Variants in CNKSR3 observed in about 807,000 individuals in gnomAD.
The protein encoded by CNKSR3 is connector enhancer of kinase suppressor of ras 3.
Under a neutral mutation model 67.7 loss-of-function variants are expected in CNKSR3, and 36 were observed. The observed-to-expected ratio is 0.53, with a 90% CI of 0.41 to 0.70. The LOEUF (loss-of-function observed/expected upper bound fraction) is 0.70. CNKSR3 is among the 30% of genes least tolerant of loss of function. The probability of loss-of-function intolerance (pLI) is 0.00; values close to 1 mark genes in which losing one functional copy is unlikely to be tolerated. For synonymous variants in CNKSR3, 281 were observed against 271.4 expected, an observed-to-expected ratio of 1.04 and a Z score of -0.35; for missense variants, 630 against 695.2, an observed-to-expected ratio of 0.91 and a Z score of 1.05.
At chr6:154,509,924 GGCAGAAGTTT>G in intron 1 of CNKSR3, 129 bp downstream of exon 1, 1 of 905,130 alleles carries the variant, frequency 1.1e-6, no homozygotes, top group East Asian at 2.4e-5. Context: ...CAGGCCACTC[GGCAGAAGTTT>G]GCATTGTCAC....
chr6:154,421,170 C>T (rs1254937777), intron 9 of CNKSR3, among the ~76,000 whole-genome samples: 6 of 152,190 alleles, frequency 3.9e-5, no homozygotes, highest in African/African-American at 7.2e-5. Flanking sequence ...CAGGCCACCA[C>T]GCTCAACTAC....
chr6:154,393,861 T>C lies in CNKSR3; in HGVS notation c.*12493A>G, dbSNP rs1439814779. ...CCAAGCCTTGCAAAACATGGCAAAATAAATGTTTTGGGGAAAATGTAGTCT... is the reference window on the plus strand; with the variant it reads ...CCAAGCCTTGCAAAACATGGCAAAACAAATGTTTTGGGGAAAATGTAGTCT... On this transcript the variant is annotated 3_prime_UTR_variant, in exon 13 of 13. Coordinates refer to ENST00000607772, the MANE Select transcript of CNKSR3 (RefSeq NM_173515.4). The C allele has an allele frequency of 6.6e-6, 1 of 152,188 alleles. No homozygotes were observed. The highest frequency in any genetic ancestry group is 2.4e-5 in the African/African-American group (1 of 41,434). 9.4% of individuals were successfully genotyped at this position (152,188 alleles called of 1,614,324 possible). A position where few individuals can be genotyped will look rare whatever the true frequency, so the allele number is the denominator to read the frequency against.
intron 1 of CNKSR3, among the ~76,000 whole-genome samples, chr6:154,456,953 C>G (rs79349981): frequency 6.6e-6 from 1 of 151,976 alleles, no homozygotes; most frequent in African/African-American, 2.4e-5. Flanking sequence ...ACCAGAGGGA[C>G]GGAAACAGGA....
At chr6:154,465,982 G>A (rs1018228442) in intron 1 of CNKSR3, among the ~76,000 whole-genome samples, 1 of 152,200 alleles carries the variant, frequency 6.6e-6, no homozygotes, top group Non-Finnish European at 1.5e-5. Flanking sequence ...CAGGCTGGTA[G>A]TGACCTAAGC....
In CNKSR3 at chr6:154,397,826, G is replaced by A. The variant is rs997809322; in HGVS notation, c.*8528C>T. ...GATGGAATTAACAGGGTAGGCCCTG[G>A]AAGATGAGTAAAAGCAAATCTGCGG... On this transcript the variant is annotated 3_prime_UTR_variant, in exon 13 of 13. Transcript: ENST00000607772. 1 of 145,460 alleles carries A rather than the reference G, an allele frequency of 6.9e-6. No individual in the cohort carries two copies. Among genetic ancestry groups the A allele is most frequent in the African/African-American group, 2.6e-5 (1 of 39,194 alleles). 9.0% of individuals were successfully genotyped at this position (145,460 alleles called of 1,614,324 possible).
intron 1 of CNKSR3, among the ~76,000 whole-genome samples, chr6:154,453,419 T>C (rs1008377448): frequency 9.9e-5 from 15 of 152,160 alleles, no homozygotes; most frequent in African/African-American, 3.6e-4. Flanking sequence ...ATACAGAGCA[T>C]TTCTCTGAGA....
chr6:154,414,241 C>T, intron 10 of CNKSR3, 58 bp downstream of exon 10: 1 of 1,513,368 alleles, frequency 6.6e-7, no homozygotes, highest in Non-Finnish European at 8.8e-7. Flanking sequence ...TTCACACCAC[C>T]ATTTACAAAT....
At chr6:154,497,421 A>G (rs989065158) in intron 1 of CNKSR3, among the ~76,000 whole-genome samples, 1 of 151,744 alleles carries the variant, frequency 6.6e-6, no homozygotes, top group Non-Finnish European at 1.5e-5. Flanking sequence ...GAGAGAGAGA[A>G]ATGCTATACA....
At position 154,392,507 on chromosome 6, in the gene CNKSR3, C is replaced by T. The variant is rs1298549240; in HGVS notation, c.*13847G>A. On this transcript the variant is annotated 3_prime_UTR_variant, in exon 13 of 13. Coordinates refer to ENST00000607772, the MANE Select transcript of CNKSR3 (RefSeq NM_173515.4). Reference sequence around the variant, plus strand: ...AGAAGGAGTGCAGGTCCCCTGCTGTCAATTTCATCTGGGGCACTAAACAGA... The same window carrying T: ...AGAAGGAGTGCAGGTCCCCTGCTGTTAATTTCATCTGGGGCACTAAACAGA... The T allele has an allele frequency of 6.6e-6, 1 of 152,234 alleles. No individual in the cohort carries two copies. Among genetic ancestry groups the T allele is most frequent in the Non-Finnish European group, 1.5e-5 (1 of 68,058 alleles). The allele number at this position is 152,234 out of a possible 1,614,324, so 9.4% of individuals were successfully genotyped here.
At position 154,388,435 on chromosome 6, in the gene CNKSR3, G is replaced by A. The variant is rs1000978995; in HGVS notation, c.*17919C>T. 2 of 152,154 alleles carry A rather than the reference G, an allele frequency of 1.3e-5. No homozygotes were observed. Among genetic ancestry groups the A allele is most frequent in the Non-Finnish European group, 2.9e-5 (2 of 68,030 alleles). The allele number at this position is 152,154 out of a possible 1,614,324, so 9.4% of individuals were successfully genotyped here. ...CCGCCGATGGACGCTTAGATTGTTT[G>A]TGTATCTTGGATATTGTGAATAATG... On this transcript the variant is annotated 3_prime_UTR_variant, in exon 13 of 13. Transcript: ENST00000607772.
intron 12 of CNKSR3, among the ~76,000 whole-genome samples, chr6:154,409,075 G>A (rs1363334760): frequency 6.6e-6 from 1 of 152,142 alleles, no homozygotes; most frequent in African/African-American, 2.4e-5. Context: ...CGTTAACTAA[G>A]GGGATCCTGA....
chr6:154,449,571 C>G (rs188020183), intron 2 of CNKSR3, among the ~76,000 whole-genome samples: 1 of 152,234 alleles, frequency 6.6e-6, no homozygotes, highest in African/African-American at 2.4e-5. Flanking sequence ...GCAATCCACC[C>G]GCCTCGGCCT....
chr6:154,472,490 A>G (rs928115619), intron 1 of CNKSR3, among the ~76,000 whole-genome samples: 1 of 151,612 alleles, frequency 6.6e-6, no homozygotes. Flanking sequence ...CTGGCCCTCA[A>G]CTCTAAATCC....
At chr6:154,508,243 A>G (rs751879104) in intron 1 of CNKSR3, among the ~76,000 whole-genome samples, 3 of 152,228 alleles carry the variant, frequency 2.0e-5, no homozygotes, top group Non-Finnish European at 4.4e-5. Context: ...TATTTTAGTA[A>G]TATATTTTAT....
chr6:154,496,846 T>G (rs1272630556), intron 1 of CNKSR3, among the ~76,000 whole-genome samples: 1 of 152,208 alleles, frequency 6.6e-6, no homozygotes, highest in African/African-American at 2.4e-5. Flanking sequence ...TTTTCCCTCA[T>G]CCTCAAAACC....
At chr6:154,459,701 C>T (rs1004369702) in intron 1 of CNKSR3, among the ~76,000 whole-genome samples, 2 of 152,170 alleles carry the variant, frequency 1.3e-5, no homozygotes, top group South Asian at 2.1e-4. Flanking sequence ...CATCGGAAGA[C>T]GTAACCAACG....
chr6:154,485,806 T>A (rs1786654464), intron 1 of CNKSR3, among the ~76,000 whole-genome samples: 1 of 152,174 alleles, frequency 6.6e-6, no homozygotes, highest in African/African-American at 2.4e-5. Flanking sequence ...GGTGGTTGCT[T>A]CTGTAAGATC....
At chr6:154,480,614 C>G (rs189411462) in intron 1 of CNKSR3, among the ~76,000 whole-genome samples, 3 of 152,282 alleles carry the variant, frequency 2.0e-5, no homozygotes, top group Admixed American at 2.0e-4. Context: ...GTCTGAAGAG[C>G]CTTTATTAAC....
chr6:154,454,104 C>CAGAG lies in CNKSR3; in HGVS notation c.53-3850_53-3847dup, dbSNP rs71021054. ...GAAAACACACACACACACACACACA[C>CAGAG]AGAGAGAGAGAGAGAGAGAGAGAGA... On this transcript the variant is annotated intron_variant, in intron 1 of 12. Transcript: ENST00000607772. 1.9e-3 allele frequency among the ~76,000 whole-genome samples: 226 copies of CAGAG among 116,320 alleles called. 1 individual carries two copies. Among genetic ancestry groups the CAGAG allele is most frequent in the East Asian group, 9.6e-3 (37 of 3,850 alleles). The allele number at this position is 116,320 out of a possible 152,430, so 76.3% of individuals were successfully genotyped here.
Sources: allele counts gnomAD v4.1 joint callset (sites outside exome capture counted in the v4.1 genomes callset), GRCh38; gene constraint gnomAD v4.1.1; transcripts MANE v1.5; gene names NCBI Gene and HGNC (gene_info 2026-07-23, HGNC 2026-07-21).